Variants in STS observed in about 807,000 individuals in gnomAD.
The protein encoded by STS is steryl-sulfatase.
STS carries 7 observed loss-of-function variants against 26.8 expected under a neutral mutation model. The ratio of observed to expected loss-of-function variants is 0.26; its 90% CI spans 0.15 to 0.49. The LOEUF (loss-of-function observed/expected upper bound fraction) is 0.49. Among genes scored for constraint, STS ranks in the 20% least tolerant of loss-of-function variants. The probability of loss-of-function intolerance (pLI) is 0.98; values close to 1 mark genes in which losing one functional copy is unlikely to be tolerated. For synonymous variants in STS, 199 were observed against 189.4 expected (o/e 1.05, Z -0.42); for missense variants, 434 against 465.6 (o/e 0.93, Z 0.63).
intron 6 of STS, among the ~76,000 whole-genome samples, chrX:7,268,444 A>G (rs1406306287): frequency 9.0e-6 from 1 of 111,467 alleles, no homozygotes; most frequent in Admixed American, 9.5e-5. Flanking sequence ...GATTTGGCTC[A>G]AAGTGTCTTT....
At chrX:7,174,452 A>G (rs1247587099) in intron 1 of STS, among the ~76,000 whole-genome samples, 2 of 111,720 alleles carry the variant, frequency 1.8e-5, no homozygotes, top group African/African-American at 6.5e-5. Context: ...TGAAACTGTA[A>G]TAACAGACAT....
intron 2 of STS, among the ~76,000 whole-genome samples, chrX:7,246,088 A>C (rs1197058182): frequency 8.9e-6 from 1 of 112,370 alleles, no homozygotes; most frequent in African/African-American, 3.2e-5. Flanking sequence ...AACGCAATGA[A>C]GAATTGTCTC....
chrX:7,170,417 C>T (rs1723929839), intron 1 of STS, among the ~76,000 whole-genome samples: 1 of 110,267 alleles, frequency 9.1e-6, no homozygotes, highest in Non-Finnish European at 1.9e-5. Context: ...AAATGGATCT[C>T]AAAAAAGTAA....
intron 6 of STS, among the ~76,000 whole-genome samples, chrX:7,266,901 A>G (rs1029876549): frequency 1.8e-5 from 2 of 112,080 alleles, no homozygotes; most frequent in Non-Finnish European, 3.8e-5. Context: ...TGCTGTGGAT[A>G]CACACATTGT....
At chrX:7,197,140 A>G (rs1418257070) in intron 2 of STS, among the ~76,000 whole-genome samples, 56 of 111,604 alleles carry the variant, frequency 5.0e-4, no homozygotes, top group Non-Finnish European at 1.9e-4. Context: ...TCCTCCTTCC[A>G]GTAGGCTTCC....
chrX:7,245,182 CT>C (rs1283938756), intron 2 of STS, among the ~76,000 whole-genome samples: 1 of 111,341 alleles, frequency 9.0e-6, no homozygotes, highest in Non-Finnish European at 1.9e-5. Flanking sequence ...TTAGGGACCC[CT>C]GATGCTCCAA....
Position 7,320,024 on chromosome X carries a change from T to TTA in STS, c.1082-5305_1082-5304dup, listed in dbSNP as rs1193661268. 1.9e-4 allele frequency among the ~76,000 whole-genome samples: 18 copies of TTA among 94,471 alleles called. 1 individual carries two copies. The highest frequency in any genetic ancestry group is 6.2e-4 in the East Asian group (2 of 3,243). 82.0% of individuals were successfully genotyped at this position (94,471 alleles called of 115,157 possible). A position where few individuals can be genotyped will look rare whatever the true frequency, so the allele number is the denominator to read the frequency against. ...TTTTTATATATATATTTATATATAT[T>TTA]TATATATATATTTATATATTATATA... On this transcript the variant is annotated intron_variant, in intron 8 of 10. Coordinates refer to ENST00000674429, the MANE Select transcript of STS (RefSeq NM_001320752.2).
intron 9 of STS, among the ~76,000 whole-genome samples, chrX:7,327,956 A>G (rs750631816): frequency 8.9e-6 from 1 of 111,843 alleles, no homozygotes; most frequent in Non-Finnish European, 1.9e-5. Flanking sequence ...TCATAAAATC[A>G]TAGAGTATGA....
At chrX:7,273,233 A>G (rs1924372268) in intron 6 of STS, among the ~76,000 whole-genome samples, 1 of 111,510 alleles carries the variant, frequency 9.0e-6, no homozygotes, top group Non-Finnish European at 1.9e-5. Flanking sequence ...ATATTGTTTT[A>G]GGGTTCCCTT....
At chrX:7,308,603 A>T (rs1471965093) in intron 8 of STS, among the ~76,000 whole-genome samples, 3 of 111,958 alleles carry the variant, frequency 2.7e-5, no homozygotes, top group Non-Finnish European at 5.6e-5. Flanking sequence ...GAGCTACTCC[A>T]TAAATTTCTT....
At chrX:7,202,423 C>T (rs965002313) in intron 2 of STS, among the ~76,000 whole-genome samples, 2 of 111,036 alleles carry the variant, frequency 1.8e-5, no homozygotes, top group African/African-American at 3.3e-5. Context: ...TTAATTTTAC[C>T]TCATGGTATT....
chrX:7,270,848 A>G (rs1924233818), intron 6 of STS, among the ~76,000 whole-genome samples: 1 of 112,096 alleles, frequency 8.9e-6, no homozygotes, highest in Admixed American at 9.5e-5. Flanking sequence ...TTCAGTCCTC[A>G]TGAACCAGCT....
At chrX:7,155,517 A>T (rs2146956692) in intron 1 of STS, among the ~76,000 whole-genome samples, 1 of 112,517 alleles carries the variant, frequency 8.9e-6, no homozygotes, top group African/African-American at 3.2e-5. Context: ...TATGTATACC[A>T]TGCATATGTT....
At chrX:7,223,843 A>AT (rs778887045) in intron 2 of STS, among the ~76,000 whole-genome samples, 11 of 110,992 alleles carry the variant, frequency 9.9e-5, no homozygotes, top group African/African-American at 3.6e-4. Context: ...AATTAGATAT[A>AT]TTTTTTTAAG....
intron 2 of STS, among the ~76,000 whole-genome samples, chrX:7,224,381 C>A (rs1474472329): frequency 9.0e-6 from 1 of 111,052 alleles, no homozygotes; most frequent in Non-Finnish European, 1.9e-5. Flanking sequence ...GACTTCAGTC[C>A]CTTCACTTGT....
intron 6 of STS, among the ~76,000 whole-genome samples, 189 bp from the exon 7 acceptor site, chrX:7,275,762 A>G (rs1924497018): frequency 9.0e-6 from 1 of 111,245 alleles, no homozygotes; most frequent in Non-Finnish European, 1.9e-5. Context: ...AAGTCACTTC[A>G]TAGAGACACA....
intron 7 of STS, among the ~76,000 whole-genome samples, chrX:7,281,823 T>A (rs1924875831): frequency 8.9e-6 from 1 of 112,282 alleles, no homozygotes; most frequent in Non-Finnish European, 1.9e-5. Context: ...GAGGTTTGGA[T>A]TAAAATGATT....
In STS at chrX:7,325,461, G is replaced by C. The variant is rs1311558503; in HGVS notation, c.1204G>C (p.Val402Leu). The C allele has an allele frequency of 3.3e-6, 4 of 1,209,583 alleles. No individual in the cohort carries two copies. The highest frequency in any genetic ancestry group is 2.2e-5 in the Admixed American group (1 of 45,721). Residue 402 changes from valine (V) to leucine (L), a missense_variant, in exon 9 of 11, where the codon GTA (valine) becomes CTA (leucine). By Grantham distance (32) the Val-to-Leu change is conservative. Transcript: ENST00000674429. ...PTSNMDIFPT[V>L]AKLAGAPLPE... is the part of the protein sequence containing the mutation. ...TAGCAACATGGACATATTTCCTACAGTAGCCAAGCTGGCTGGAGCTCCCTT... is the reference window on the plus strand; with the variant it reads ...TAGCAACATGGACATATTTCCTACACTAGCCAAGCTGGCTGGAGCTCCCTT...
chrX:7,287,884 A>G (rs908055434), intron 7 of STS, among the ~76,000 whole-genome samples: 1 of 110,619 alleles, frequency 9.0e-6, no homozygotes, highest in Admixed American at 9.7e-5. Flanking sequence ...TAGGATACCC[A>G]TTGATAATCA....
Sources: allele counts gnomAD v4.1 joint callset (sites outside exome capture counted in the v4.1 genomes callset), GRCh38; gene constraint gnomAD v4.1.1; transcripts MANE v1.5; gene names NCBI Gene and HGNC (gene_info 2026-07-23, HGNC 2026-07-21).